The following ABCC5 variants were observed in gnomAD, a reference collection of about 807,000 sequenced individuals.
ABCC5 encodes ATP-binding cassette sub-family C member 5.
In ABCC5, 61 loss-of-function variants were observed where a neutral mutation model predicts 160.9. The ratio of observed to expected loss-of-function variants is 0.38; its 90% CI spans 0.31 to 0.47. The LOEUF (loss-of-function observed/expected upper bound fraction) is 0.47. Among genes scored for constraint, ABCC5 ranks in the 20% least tolerant of loss-of-function variants. The pLI is 0.99. For synonymous variants in ABCC5, 666 were observed against 700.6 expected, an observed-to-expected ratio of 0.95 and a Z score of 0.78; for missense variants, 1,308 against 1,813.3, an observed-to-expected ratio of 0.72 and a Z score of 5.06.
chr3:184,008,418 T>G (rs772909572), intron 2 of ABCC5, among the ~76,000 whole-genome samples: 1 of 152,252 alleles, frequency 6.6e-6, no homozygotes, highest in Non-Finnish European at 1.5e-5. Flanking sequence ...AACTTCATGT[T>G]AGCTGAAGTA....
At chr3:183,970,291 C>CA in intron 11 of ABCC5, among the ~76,000 whole-genome samples, 1 of 152,192 alleles carries the variant, frequency 6.6e-6, no homozygotes, top group East Asian at 1.9e-4. Context: ...TGTTCTTCCC[C>CA]ACCCATCCCA....
At chr3:183,967,646 C>A in intron 12 of ABCC5, 49 bp downstream of exon 12, 1 of 1,531,646 alleles carries the variant, frequency 6.5e-7, no homozygotes, top group Non-Finnish European at 9.0e-7. Flanking sequence ...TCCTGAGACT[C>A]TTGCAAACCA....
At chr3:183,971,202 A>G (rs1560019667) in intron 11 of ABCC5, among the ~76,000 whole-genome samples, 1 of 152,246 alleles carries the variant, frequency 6.6e-6, no homozygotes, top group Non-Finnish European at 1.5e-5. Context: ...TGTGCCAGGT[A>G]TGATGCACAG....
Position 183,963,459 on chromosome 3 carries a change from T to C in ABCC5, c.2161A>G (p.Asn721Asp), listed in dbSNP as rs1304891550. ...CGGATAGCACTATTGAAGATGTGGT[T>C]GCCCACATGGGCATCTAAGGCACTG... ...PLSALDAHVG[N>D]HIFNSAIRKH... The change falls in exon 15 of 30, where the codon AAC becomes GAC. Residue 721 changes from asparagine (N) to aspartate (D), a missense_variant. By Grantham distance (23) the Asn-to-Asp change is conservative. Coordinates refer to ENST00000334444, the MANE Select transcript of ABCC5 (RefSeq NM_005688.4). This position sits in a 1 kb window ranked among gnomAD's most constrained non-coding sequence, Gnocchi z 4.6. 6.2e-7 allele frequency: 1 copy of C among 1,614,286 alleles called. No homozygotes were observed. The highest frequency in any genetic ancestry group is 1.7e-5 in the Admixed American group (1 of 60,032).
intron 16 of ABCC5, 58 bp downstream of exon 16, chr3:183,961,453 G>A (rs1440831037): frequency 2.3e-5 from 37 of 1,591,352 alleles, no homozygotes; most frequent in African/African-American, 1.2e-4. Flanking sequence ...CACTCACTCC[G>A]GCTGTGTTTC....
intron 17 of ABCC5, among the ~76,000 whole-genome samples, chr3:183,956,168 G>A (rs542380533): frequency 1.8e-4 from 24 of 133,292 alleles, no homozygotes; most frequent in African/African-American, 5.4e-4. Flanking sequence ...AAATCACATC[G>A]GTTACATGCA....
At chr3:183,981,174 T>C (rs2108852262) in intron 8 of ABCC5, among the ~76,000 whole-genome samples, 1 of 152,334 alleles carries the variant, frequency 6.6e-6, no homozygotes, top group East Asian at 1.9e-4. Flanking sequence ...ATTTCACCTG[T>C]TTCAAGGCAC....
intron 23 of ABCC5, 113 bp from the exon 24 acceptor site, chr3:183,946,052 G>A: frequency 4.3e-6 from 4 of 919,762 alleles, no homozygotes; most frequent in Non-Finnish European, 5.4e-6. Context: ...ACATGCAGCA[G>A]CTGGTCTTAG....
chr3:184,010,860 C>T lies in ABCC5; in HGVS notation c.129+3404G>A, dbSNP rs144948531. ...TTGCCCAGGCTGGAGTGCAATGGCG[C>T]GATCTTGGTTCACTGCAACTTCCGC... On this transcript the variant is annotated intron_variant, in intron 2 of 29. Coordinates refer to ENST00000334444, the MANE Select transcript of ABCC5 (RefSeq NM_005688.4). Among the ~76,000 whole-genome samples, 473 of 147,526 alleles carry T rather than the reference C, an allele frequency of 3.2e-3. 1 individual carries two copies. The highest frequency in any genetic ancestry group is 0.011 in the African/African-American group (432 of 39,618).
At chr3:183,940,121 T>G (rs180744788) in intron 25 of ABCC5, among the ~76,000 whole-genome samples, 1 of 152,164 alleles carries the variant, frequency 6.6e-6, no homozygotes, top group Non-Finnish European at 1.5e-5. Flanking sequence ...ATCTTCCTAA[T>G]GCAACAATCC....
chr3:183,967,715 TGA>T lies in ABCC5; in HGVS notation c.1811_1812del (p.Leu604HisfsTer46). On this transcript the variant is annotated frameshift_variant, in exon 12 of 30. Coordinates refer to ENST00000334444, the MANE Select transcript of ABCC5 (RefSeq NM_005688.4). LOFTEE classifies it high-confidence loss of function. ...CTTACCTGGCCTAAAATGGCTGAAA[TGA>T]GAGAGGTTTTTCCACTTCCCACACT... ...CGSVGSGKTS[L>X]ISAILGQMTL... 6.2e-7 allele frequency: 1 copy of T among 1,613,770 alleles called. No individual in the cohort carries two copies. Among genetic ancestry groups the T allele is most frequent in the Non-Finnish European group, 8.5e-7 (1 of 1,179,752 alleles).
intron 2 of ABCC5, chr3:184,011,344 A>T (rs1439787195): frequency 6.6e-6 from 1 of 152,228 alleles, no homozygotes. Flanking sequence ...GGAACTGCAA[A>T]TTAAAACCAC....
chr3:183,988,590 G>A lies in ABCC5; in HGVS notation c.425C>T (p.Ser142Phe). 1.2e-6 allele frequency: 2 copies of A among 1,613,964 alleles called. No individual in the cohort carries two copies. The highest frequency in any genetic ancestry group is 1.7e-6 in the Non-Finnish European group (2 of 1,179,968). ...DVWSLSKHES[S>F]DVNCRRLERL... ...CGCCTACCTTCTGCAGTTCACGTCA[G>A]AAGACTCGTGCTTGGACAGAGACCA... The change falls in exon 4 of 30, where the codon TCT (serine) becomes TTT (phenylalanine). Residue 142 changes from serine (S) to phenylalanine (F), a missense_variant. Ser to Phe is a radical substitution (Grantham distance 155). This residue lies in a region of ABCC5 where 1,142 missense variants were observed against 1,527.1 expected (regional missense o/e 0.75). Transcript: ENST00000334444. The surrounding 1 kb of genome is among the most constrained non-coding windows in gnomAD (Gnocchi z 4.4).
At chr3:183,976,143 C>A (rs940334346) in intron 10 of ABCC5, among the ~76,000 whole-genome samples, 1 of 151,970 alleles carries the variant, frequency 6.6e-6, no homozygotes, top group Non-Finnish European at 1.5e-5. Flanking sequence ...GGGGCACATT[C>A]GAAGACTAGC....
At position 183,937,892 on chromosome 3, in the gene ABCC5, G is replaced by T. The variant is rs1342197617; in HGVS notation, c.3854+9C>A. ...GACGCACGAGACATGCAGGTGCTCA[G>T]GTCCTCACCTGACAGTGCCACTGAA... On this transcript the variant is annotated intron_variant, in intron 26 of 29. Transcript: ENST00000334444. The T allele has an allele frequency of 2.5e-6, 4 of 1,613,754 alleles. No individual in the cohort carries two copies. The highest frequency in any genetic ancestry group is 3.4e-6 in the Non-Finnish European group (4 of 1,179,876).
chr3:183,971,114 T>C (rs1174972251), intron 11 of ABCC5, among the ~76,000 whole-genome samples: 1 of 152,146 alleles, frequency 6.6e-6, no homozygotes. Flanking sequence ...TCATCTACCG[T>C]TAACGATCCT....
chr3:183,968,124 T>TTTATTA (rs1326583648), intron 11 of ABCC5, among the ~76,000 whole-genome samples: 2 of 148,206 alleles, frequency 1.3e-5, no homozygotes, highest in Non-Finnish European at 3.0e-5. Context: ...TAAAAATCAT[T>TTTATTA]TTATTATTAT....
chr3:183,936,619 T>C (rs893139201), intron 26 of ABCC5, among the ~76,000 whole-genome samples: 55 of 152,210 alleles, frequency 3.6e-4, no homozygotes, highest in African/African-American at 1.3e-3. Flanking sequence ...ACCATTCTCC[T>C]GCCTCAGCCT....
intron 2 of ABCC5, among the ~76,000 whole-genome samples, chr3:184,011,914 G>T (rs1560060408): frequency 6.6e-6 from 1 of 152,040 alleles, no homozygotes; most frequent in Non-Finnish European, 1.5e-5. Flanking sequence ...CATGACTGTG[G>T]CTATAAAAGG....
Sources: allele counts gnomAD v4.1 joint callset (sites outside exome capture counted in the v4.1 genomes callset), GRCh38; gene constraint gnomAD v4.1.1; regional missense constraint gnomAD v4.1.1; non-coding constraint Gnocchi (gnomAD v3.1); transcripts MANE v1.5; gene names NCBI Gene and HGNC (gene_info 2026-07-23, HGNC 2026-07-21).